Variants in VIRMA observed in about 807,000 individuals in gnomAD.
VIRMA encodes the protein protein virilizer homolog.
In VIRMA, 65 loss-of-function variants were observed where a neutral mutation model predicts 182.4. The observed-to-expected ratio is 0.36, with a 90% CI of 0.29 to 0.44. VIRMA has a LOEUF of 0.44. VIRMA is among the 20% of genes least tolerant of loss of function. VIRMA has a pLI of 1.00. For synonymous variants in VIRMA, 709 were observed against 743.1 expected (o/e 0.95, Z 0.75); for missense variants, 1,752 against 2,158.1 (o/e 0.81, Z 3.73).
At chr8:94,540,079 C>T (rs1815486591) in intron 2 of VIRMA, among the ~76,000 whole-genome samples, 1 of 152,090 alleles carries the variant, frequency 6.6e-6, no homozygotes, top group Admixed American at 6.5e-5. Context: ...AAAGACACAC[C>T]ATTTGATGCA....
intron 8 of VIRMA, among the ~76,000 whole-genome samples, chr8:94,520,712 A>C (rs761159503): frequency 7.4e-4 from 113 of 152,304 alleles, no homozygotes; most frequent in Non-Finnish European, 1.3e-3. Flanking sequence ...TATATCAGAG[A>C]CTGGAGCATC....
At chr8:94,499,347 C>A in intron 17 of VIRMA, 27 bp downstream of exon 17, 1 of 1,473,228 alleles carries the variant, frequency 6.8e-7, no homozygotes, top group Non-Finnish European at 9.2e-7. Context: ...TACATATATA[C>A]ACAAACACAA....
intron 22 of VIRMA, among the ~76,000 whole-genome samples, chr8:94,491,183 G>A (rs975564971): frequency 5.4e-5 from 8 of 148,360 alleles, no homozygotes; most frequent in Admixed American, 2.0e-4. Context: ...GCATTGTGGT[G>A]CATGCCTGTA....
chr8:94,509,793 C>G lies in VIRMA; in HGVS notation c.3774G>C (p.Glu1258Asp). 1 of 1,614,068 alleles carries G rather than the reference C, an allele frequency of 6.2e-7. No individual in the cohort carries two copies. The highest frequency in any genetic ancestry group is 8.5e-7 in the Non-Finnish European group (1 of 1,179,968). The change falls in exon 15 of 24, where the codon GAG becomes GAC. Residue 1258 changes from glutamate to aspartate, a missense_variant. Physicochemically the swap from Glu to Asp is conservative, Grantham distance 45. Transcript: ENST00000297591. ...GTIKGDERYA[E>D]IFQDLLALVR... ...CCAAAGCTAAAAGATCCTGGAATAT[C>G]TCTGCATATCTTTCATCACCTTTAA...
At position 94,491,741 on chromosome 8, in the gene VIRMA, A is replaced by G; in HGVS notation, c.4977T>C (p.Ala1659=). Residue 1659 remains alanine (A), a synonymous_variant, in exon 22 of 24, where the codon GCT becomes GCC. Coordinates refer to ENST00000297591, the MANE Select transcript of VIRMA (RefSeq NM_015496.5). ...GAGGAACCACTTCTTTACTTTCAGC[A>G]GCAACAAAGTCATCCACATGCATAG... The part of the protein sequence containing the change: ...PPSMHVDDFV[A]AESKEVVPQD... 6.2e-7 allele frequency: 1 copy of G among 1,614,106 alleles called. No homozygotes were observed. The highest frequency in any genetic ancestry group is 8.5e-7 in the Non-Finnish European group (1 of 1,180,022).
In VIRMA at chr8:94,553,464, G is replaced by A; in HGVS notation, c.-17C>T. On this transcript the variant is annotated 5_prime_UTR_variant, in exon 1 of 24. Transcript: ENST00000297591. The stretch of plus-strand genomic sequence containing the variant: ...CACCGCCATGTTTGCCGCGGGCGGG[G>A]AACAGGGGGGAGGACTTCCGGGGCA... The A allele has an allele frequency of 6.2e-7, 1 of 1,613,462 alleles. No homozygotes were observed. The highest frequency in any genetic ancestry group is 8.5e-7 in the Non-Finnish European group (1 of 1,179,412).
Position 94,537,209 on chromosome 8 carries a change from A to T in VIRMA, c.267-58T>A, listed in dbSNP as rs1034602842. The T allele has an allele frequency of 5.7e-6, 6 of 1,055,772 alleles. No individual in the cohort carries two copies. The African/African-American group carries it at 6.3e-5, about 11-fold the overall frequency. 65.4% of individuals were successfully genotyped at this position (1,055,772 alleles called of 1,614,324 possible). A position where few individuals can be genotyped will look rare whatever the true frequency, so the allele number is the denominator to read the frequency against. ...CAAACACTGAACATCACAGTTCATG[A>T]AGACGTCTCTCTAGATTCAAATATT... On this transcript the variant is annotated intron_variant, in intron 3 of 23. Transcript: ENST00000297591.
At chr8:94,536,753 T>G (rs1316503508) in intron 4 of VIRMA, among the ~76,000 whole-genome samples, 1 of 151,976 alleles carries the variant, frequency 6.6e-6, no homozygotes, top group African/African-American at 2.4e-5. Flanking sequence ...GCCGAGGCGG[T>G]TGGATCACGA....
In VIRMA at chr8:94,537,087, T is replaced by C. The variant is rs180741731; in HGVS notation, c.315+16A>G. 9 of 1,566,040 alleles carry C rather than the reference T, an allele frequency of 5.7e-6. No homozygotes were observed. The highest frequency in any genetic ancestry group is 1.3e-5 in the African/African-American group (1 of 74,094). ...CAAATAGTAATGACAAGCTGAAAACTGACTTCCAGAATTACCTTTGAGTTA... is the reference window on the plus strand; with the variant it reads ...CAAATAGTAATGACAAGCTGAAAACCGACTTCCAGAATTACCTTTGAGTTA... On this transcript the variant is annotated intron_variant, in intron 4 of 23. Transcript: ENST00000297591.
At chr8:94,523,459 G>A (rs540067324) in intron 8 of VIRMA, among the ~76,000 whole-genome samples, 7 of 152,258 alleles carry the variant, frequency 4.6e-5, no homozygotes, top group African/African-American at 1.2e-4. Context: ...GCCCAGACTG[G>A]AGTGCAGTGG....
At chr8:94,544,964 T>C (rs905834538) in intron 1 of VIRMA, among the ~76,000 whole-genome samples, 23 of 152,112 alleles carry the variant, frequency 1.5e-4, no homozygotes, top group African/African-American at 5.1e-4. Context: ...TAAGAGTTTA[T>C]TATATAGAAA....
intron 5 of VIRMA, among the ~76,000 whole-genome samples, chr8:94,533,343 C>T (rs1380872402): frequency 6.6e-6 from 1 of 152,170 alleles, no homozygotes; most frequent in African/African-American, 2.4e-5. Flanking sequence ...TATTTATAGT[C>T]ACAAACATGC....
intron 10 of VIRMA, among the ~76,000 whole-genome samples, chr8:94,515,891 A>G (rs1300838400): frequency 2.0e-5 from 3 of 151,742 alleles, no homozygotes; most frequent in Non-Finnish European, 4.4e-5. Flanking sequence ...AGATCGACAG[A>G]TGGAGACCAT....
At chr8:94,512,962 C>T (rs549425937) in intron 11 of VIRMA, among the ~76,000 whole-genome samples, 1 of 152,328 alleles carries the variant, frequency 6.6e-6, no homozygotes, top group East Asian at 1.9e-4. Context: ...ATGTCCTTAG[C>T]ACCTGCCTAT....
At chr8:94,516,678 C>G (rs2130322389) in intron 10 of VIRMA, among the ~76,000 whole-genome samples, 1 of 152,052 alleles carries the variant, frequency 6.6e-6, no homozygotes, top group African/African-American at 2.4e-5. Flanking sequence ...AAACAAATAC[C>G]AGAATACCCA....
At chr8:94,499,564 G>A in intron 16 of VIRMA, 58 bp from the exon 17 acceptor site, 6 of 1,191,676 alleles carry the variant, frequency 5.0e-6, no homozygotes, top group Admixed American at 2.2e-5. Context: ...ATATAAAACT[G>A]GTATGATAAA....
intron 20 of VIRMA, among the ~76,000 whole-genome samples, chr8:94,493,660 T>C (rs1413334938): frequency 1.3e-5 from 2 of 152,162 alleles, no homozygotes. Context: ...TAAAAAGAAA[T>C]TAATTTTTAA....
chr8:94,491,250 T>A (rs1443867130), intron 22 of VIRMA, among the ~76,000 whole-genome samples: 1 of 150,808 alleles, frequency 6.6e-6, no homozygotes, highest in Non-Finnish European at 1.5e-5. Context: ...GGAGGCAGAG[T>A]TTGTAGTGAG....
At chr8:94,528,294 T>C (rs756841262) in intron 7 of VIRMA, among the ~76,000 whole-genome samples, 74 of 151,776 alleles carry the variant, frequency 4.9e-4, no homozygotes, top group Non-Finnish European at 1.0e-3. Flanking sequence ...TAACTACTTT[T>C]GCCAAATACA....
Sources: allele counts gnomAD v4.1 joint callset (sites outside exome capture counted in the v4.1 genomes callset), GRCh38; gene constraint gnomAD v4.1.1; transcripts MANE v1.5; gene names NCBI Gene and HGNC (gene_info 2026-07-23, HGNC 2026-07-21).